The following PRH1 variants were observed in gnomAD, a reference collection of about 807,000 sequenced individuals.
The protein encoded by PRH1 is proline rich protein HaeIII subfamily 1, also known as salivary acidic proline-rich phosphoprotein 1/2.
PRH1 carries 7 observed loss-of-function variants against 7.9 expected under a neutral mutation model. That is an observed-to-expected ratio of 0.89 (90% CI 0.50 to 1.67). PRH1 has a LOEUF of 1.67. Among genes scored for constraint, PRH1 ranks in the 40% most tolerant of loss-of-function variants. The probability of loss-of-function intolerance (pLI) is 0.00; values close to 1 mark genes in which losing one functional copy is unlikely to be tolerated. For synonymous variants in PRH1, 45 were observed against 80.8 expected (o/e 0.56, Z 2.38); for missense variants, 109 against 223.6 (o/e 0.49, Z 3.27).
intron 2 of PRH1, chr12:10,973,520 T>G (rs1409442723): frequency 8.9e-6 from 5 of 563,734 alleles, no homozygotes; most frequent in Non-Finnish European, 1.6e-5. Flanking sequence ...AACAATACCC[T>G]CCTTGAGTAG....
At chr12:10,977,327 C>T (rs559716930) in intron 1 of PRH1, among the ~76,000 whole-genome samples, 4 of 152,262 alleles carry the variant, frequency 2.6e-5, no homozygotes, top group East Asian at 3.9e-4. Flanking sequence ...GCATTATCAT[C>T]TCGATAGATG....
chr12:11,086,198 C>T (rs76334606), intron 1 of PRH1, among the ~76,000 whole-genome samples: 4,582 of 136,608 alleles, frequency 0.034, 285 homozygotes, highest in Non-Finnish European at 0.044. Flanking sequence ...GGCTTTTCAG[C>T]GCATTTTCAA....
chr12:11,148,092 T>C (rs1946928412), intron 1 of PRH1, among the ~76,000 whole-genome samples: 1 of 145,440 alleles, frequency 6.9e-6, no homozygotes. Flanking sequence ...TCTGTTTGTC[T>C]GTTATTGGTG....
chr12:11,129,989 A>G (rs74475319), intron 1 of PRH1, among the ~76,000 whole-genome samples: 32,091 of 151,560 alleles, frequency 0.21, 3,966 homozygotes, highest in Non-Finnish European at 0.27. Flanking sequence ...CAGCCCTACA[A>G]AAAATACCAA....
At chr12:10,938,879 T>C (rs555536260) in intron 2 of PRH1, 13 of 1,613,856 alleles carry the variant, frequency 8.1e-6, no homozygotes, top group South Asian at 2.2e-5. Flanking sequence ...ATTGGCTATC[T>C]TGAGAAAATA....
At chr12:11,142,586 GA>G (rs1251651510) in intron 1 of PRH1, among the ~76,000 whole-genome samples, 1 of 152,082 alleles carries the variant, frequency 6.6e-6, no homozygotes, top group Non-Finnish European at 1.5e-5. Flanking sequence ...ATTGCAATTC[GA>G]AAGGAATTAA....
chr12:11,013,935 C>A (rs1941173715), intron 1 of PRH1, among the ~76,000 whole-genome samples: 1 of 152,142 alleles, frequency 6.6e-6, no homozygotes, highest in Non-Finnish European at 1.5e-5. Context: ...CACCATGTTT[C>A]CCAGGTTGGT....
chr12:10,964,751 G>C, intron 2 of PRH1: 1 of 665,908 alleles, frequency 1.5e-6, no homozygotes, highest in Non-Finnish European at 2.7e-6. Context: ...TTTACACAAA[G>C]AACAGATTAA....
chr12:10,965,436 G>A, intron 2 of PRH1: 1 of 535,118 alleles, frequency 1.9e-6, no homozygotes, highest in South Asian at 2.4e-5. Flanking sequence ...TAAATTTTAT[G>A]TGGACCTGAT....
chr12:11,004,822 A>G (rs1372086015), intron 1 of PRH1, among the ~76,000 whole-genome samples: 1 of 152,132 alleles, frequency 6.6e-6, no homozygotes, highest in Non-Finnish European at 1.5e-5. Flanking sequence ...TTGTAGGGGA[A>G]ATTTCAGGAT....
At chr12:11,003,680 A>C (rs1474457396) in intron 1 of PRH1, among the ~76,000 whole-genome samples, 1 of 152,024 alleles carries the variant, frequency 6.6e-6, no homozygotes, top group Admixed American at 6.6e-5. Context: ...AGAATTTATA[A>C]TTTCTTTTAT....
At chr12:10,970,917 T>C (rs1938783686) in intron 2 of PRH1, among the ~76,000 whole-genome samples, 1 of 152,248 alleles carries the variant, frequency 6.6e-6, no homozygotes, top group African/African-American at 2.4e-5. Flanking sequence ...TTTGACTTTA[T>C]TCAGCAAAAA....
chr12:11,089,068 T>C (rs1466853955), intron 1 of PRH1, among the ~76,000 whole-genome samples: 1 of 115,272 alleles, frequency 8.7e-6, no homozygotes, highest in African/African-American at 2.9e-5. Flanking sequence ...GACTGGAGGG[T>C]ATGAGCACGC....
At chr12:10,995,465 T>G (rs768344331) in intron 1 of PRH1, among the ~76,000 whole-genome samples, 1 of 152,184 alleles carries the variant, frequency 6.6e-6, no homozygotes, top group Non-Finnish European at 1.5e-5. Flanking sequence ...TTTCTTCTTG[T>G]AATAGAACTT....
intron 1 of PRH1, among the ~76,000 whole-genome samples, chr12:11,056,044 TG>T (rs757964772): frequency 3.9e-5 from 6 of 152,248 alleles, no homozygotes; most frequent in Non-Finnish European, 8.8e-5. Flanking sequence ...ACCTCATAGT[TG>T]GGAAATATTA....
chr12:11,075,895 A>C (rs1565626976), intron 1 of PRH1, among the ~76,000 whole-genome samples: 1 of 110,002 alleles, frequency 9.1e-6, no homozygotes, highest in African/African-American at 3.0e-5. Context: ...GTGTTCATTA[A>C]CGTATCATTT....
chr12:11,038,982 T>A (rs1434616175), intron 1 of PRH1, among the ~76,000 whole-genome samples: 1 of 152,228 alleles, frequency 6.6e-6, no homozygotes, highest in Non-Finnish European at 1.5e-5. Flanking sequence ...CTTTAATCAA[T>A]CATTATGTCA....
At position 11,027,340 on chromosome 12, in the gene PRH1, A is replaced by T. The variant is rs1163406219; in HGVS notation, c.-126+19680T>A. Among the ~76,000 whole-genome samples, 5 of 151,148 alleles carry T rather than the reference A, an allele frequency of 3.3e-5. No individual in the cohort carries two copies. The East Asian group carries it at 7.7e-4, about 23-fold the overall frequency. ...AAGTGGCAAGTTTCTTAACTATAGT[A>T]AAATACTCTAACGATGAATGGAAGT... On this transcript the variant is annotated intron_variant, in intron 1 of 3. Transcript: ENST00000539853.
upstream of PRH1, among the ~76,000 whole-genome samples, chr12:10,887,911 A>G (rs955163678): frequency 1.7e-4 from 19 of 113,830 alleles, no homozygotes; most frequent in African/African-American, 4.6e-4. Flanking sequence ...CCACTTTCTA[A>G]GAAGGCGCTT....
Sources: allele counts gnomAD v4.1 joint callset (sites outside exome capture counted in the v4.1 genomes callset), GRCh38; gene constraint gnomAD v4.1.1; transcripts MANE v1.5; gene names NCBI Gene and HGNC (gene_info 2026-07-23, HGNC 2026-07-21).